The following NCKAP1 variants were observed in gnomAD, a reference collection of about 807,000 sequenced individuals.
NCKAP1 encodes NCK associated protein 1, also known as nck-associated protein 1.
Under a neutral mutation model 151.2 loss-of-function variants are expected in NCKAP1, and 21 were observed. The ratio of observed to expected loss-of-function variants is 0.14; its 90% CI spans 0.10 to 0.20. The LOEUF (loss-of-function observed/expected upper bound fraction) is 0.20. NCKAP1 is among the 10% of genes least tolerant of loss of function. NCKAP1 has a pLI of 1.00. For missense variants in NCKAP1, 933 were observed against 1,352.1 expected (o/e 0.69, Z 4.86); for synonymous variants, 484 against 451.8 (o/e 1.07, Z -0.90).
At chr2:182,945,951 A>G (rs1159770367) in intron 23 of NCKAP1, among the ~76,000 whole-genome samples, 2 of 152,238 alleles carry the variant, frequency 1.3e-5, no homozygotes, top group East Asian at 1.9e-4. Flanking sequence ...AATGTGGTAC[A>G]TATATATCAT....
rs748520780 is a variant in NCKAP1, at chr2:182,935,285, T to A, written c.2778+8A>T. Reference sequence around the variant, plus strand: ...GATACCGAGTATATACTTGTAATGGTTTCTTACATCTCTAAGTGCTTCTTG... The same window carrying A: ...GATACCGAGTATATACTTGTAATGGATTCTTACATCTCTAAGTGCTTCTTG... On this transcript the variant is annotated splice_region_variant and intron_variant, in intron 25 of 30. Transcript: ENST00000361354. The A allele has an allele frequency of 6.5e-7, 1 of 1,549,248 alleles. No individual in the cohort carries two copies. Among genetic ancestry groups the A allele is most frequent in the East Asian group, 2.3e-5 (1 of 43,024 alleles).
chr2:182,987,664 T>C (rs1235671888), intron 9 of NCKAP1, among the ~76,000 whole-genome samples: 1 of 152,176 alleles, frequency 6.6e-6, no homozygotes, highest in Non-Finnish European at 1.5e-5. Flanking sequence ...GTCAGTATGC[T>C]AGTACATGAT....
At chr2:183,006,916 G>C (rs1002507693) in intron 2 of NCKAP1, among the ~76,000 whole-genome samples, 6 of 152,100 alleles carry the variant, frequency 3.9e-5, no homozygotes, top group Admixed American at 3.9e-4. Flanking sequence ...CTATTGCCCA[G>C]GCTGGAGTGT....
rs547481038 is a variant in NCKAP1, at chr2:182,918,432, C to T, written c.*7270G>A. ...ATAACTGCAAAGATATGGAACCAAC[C>T]TAAGTGCCCACTGACCAATGAGTGG... On this transcript the variant is annotated 3_prime_UTR_variant, in exon 31 of 31. Transcript: ENST00000361354. 6.6e-6 allele frequency: 1 copy of T among 152,214 alleles called. No individual in the cohort carries two copies. The highest frequency in any genetic ancestry group is 6.5e-5 in the Admixed American group (1 of 15,286). 9.4% of individuals were successfully genotyped at this position (152,214 alleles called of 1,614,324 possible). A position where few individuals can be genotyped will look rare whatever the true frequency, so the allele number is the denominator to read the frequency against.
intron 23 of NCKAP1, among the ~76,000 whole-genome samples, chr2:182,950,665 G>A (rs1295105194): frequency 6.6e-6 from 1 of 151,932 alleles, no homozygotes; most frequent in Admixed American, 6.6e-5. Flanking sequence ...ACAATGAGAG[G>A]ATAATGATAC....
At chr2:183,029,764 G>T (rs1233879259) in intron 1 of NCKAP1, among the ~76,000 whole-genome samples, 1 of 144,370 alleles carries the variant, frequency 6.9e-6, no homozygotes, top group South Asian at 2.2e-4. Flanking sequence ...AGTCTACAGT[G>T]AGCCCTGTTC....
rs906444673 is a variant in NCKAP1 at position 183,024,012 on chromosome 2, G to A, written c.109-96C>T. The A allele has an allele frequency of 5.1e-6, 5 of 974,230 alleles. No homozygotes were observed. In the Admixed American group the frequency reaches 6.7e-5, roughly 13 times the overall value. 60.3% of individuals were successfully genotyped at this position (974,230 alleles called of 1,614,324 possible). ...ATTAGAAATTAAAGAGATATTTATT[G>A]TTTTTGGTGAGCAGGTGATAAAATG... is the stretch of plus-strand genomic sequence containing the variant. On this transcript the variant is annotated intron_variant, in intron 1 of 30. Coordinates refer to ENST00000361354, the MANE Select transcript of NCKAP1 (RefSeq NM_013436.5).
chr2:182,995,647 TA>T (rs1698253703), intron 7 of NCKAP1, 53 bp downstream of exon 7: 2 of 1,538,394 alleles, frequency 1.3e-6, no homozygotes, highest in Non-Finnish European at 1.8e-6. Flanking sequence ...ACTGAACTAT[TA>T]TTTTTTTAAA....
At position 182,916,607 on chromosome 2, in the gene NCKAP1, A is replaced by G. The variant is rs1161446580; in HGVS notation, c.*9095T>C. The G allele has an allele frequency of 1.3e-5, 2 of 152,200 alleles. No homozygotes were observed. The highest frequency in any genetic ancestry group is 2.9e-5 in the Non-Finnish European group (2 of 68,044). 9.4% of individuals were successfully genotyped at this position (152,200 alleles called of 1,614,324 possible). On this transcript the variant is annotated 3_prime_UTR_variant, in exon 31 of 31. Coordinates refer to ENST00000361354, the MANE Select transcript of NCKAP1 (RefSeq NM_013436.5). ...AGTGATGTTTGAGCTTACTGTTTAC[A>G]TTATGTTCAGGAGTTTGCCAGCCAG...
chr2:182,976,981 C>T (rs777772360), intron 14 of NCKAP1, 30 bp from the exon 15 acceptor site: 1 of 1,362,804 alleles, frequency 7.3e-7, no homozygotes, highest in Admixed American at 2.5e-5. Flanking sequence ...AAAAAGATTA[C>T]AAAGCAAATT....
At chr2:183,030,550 C>A (rs1341744392) in intron 1 of NCKAP1, among the ~76,000 whole-genome samples, 1 of 152,136 alleles carries the variant, frequency 6.6e-6, no homozygotes, top group Non-Finnish European at 1.5e-5. Context: ...CCAGCCCCAT[C>A]TGAATAATGT....
In NCKAP1 at chr2:182,920,984, A is replaced by G. The variant is rs1696542381; in HGVS notation, c.*4718T>C. On this transcript the variant is annotated 3_prime_UTR_variant, in exon 31 of 31. Coordinates refer to ENST00000361354, the MANE Select transcript of NCKAP1 (RefSeq NM_013436.5). ...CAGGACGCATCACTGAGTAGTGCAC[A>G]GTTTTAGTCTGTGAGCACGCTTCAG... 6.6e-6 allele frequency: 1 copy of G among 152,226 alleles called. No individual in the cohort carries two copies. Among genetic ancestry groups the G allele is most frequent in the South Asian group, 2.1e-4 (1 of 4,830 alleles). 9.4% of individuals were successfully genotyped at this position (152,226 alleles called of 1,614,324 possible).
intron 3 of NCKAP1, 49 bp downstream of exon 3, chr2:183,003,183 CA>C (rs781581705): frequency 7.9e-7 from 1 of 1,270,790 alleles, no homozygotes; most frequent in Admixed American, 2.3e-5. Context: ...AATTAATAAA[CA>C]TTTAAATCTA....
intron 8 of NCKAP1, among the ~76,000 whole-genome samples, chr2:182,989,722 T>C (rs1698129490): frequency 6.6e-6 from 1 of 151,556 alleles, no homozygotes; most frequent in African/African-American, 2.4e-5. Context: ...AATTTTTTTT[T>C]AATGGCCAGG....
Position 182,930,688 on chromosome 2 carries a change from A to AT in NCKAP1, c.2953+6dup, listed in dbSNP as rs747746037. On this transcript the variant is annotated splice_region_variant and intron_variant, in intron 27 of 30. Coordinates refer to ENST00000361354, the MANE Select transcript of NCKAP1 (RefSeq NM_013436.5). ...AAGAGTATTAAATATTTACTAATGC[A>AT]TTTTACCCGATTTTTGTGAAGAAAG... 6.2e-7 allele frequency: 1 copy of AT among 1,610,120 alleles called. No individual in the cohort carries two copies. Among genetic ancestry groups the AT allele is most frequent in the Admixed American group, 1.7e-5 (1 of 59,966 alleles).
chr2:183,005,317 T>A (rs77535302), intron 2 of NCKAP1, among the ~76,000 whole-genome samples: 8,227 of 152,276 alleles, frequency 0.054, 296 homozygotes, highest in Non-Finnish European at 0.08. Flanking sequence ...TCCCCTTTCC[T>A]TCCAACTTCA....
intron 14 of NCKAP1, among the ~76,000 whole-genome samples, chr2:182,978,382 C>CA (rs1474953338): frequency 2.0e-5 from 3 of 152,072 alleles, no homozygotes; most frequent in Non-Finnish European, 4.4e-5. Flanking sequence ...TAGAGCTTGG[C>CA]AAATTATGTT....
chr2:182,971,375 C>A (rs2105842859), intron 15 of NCKAP1, among the ~76,000 whole-genome samples: 1 of 114,016 alleles, frequency 8.8e-6, no homozygotes, highest in African/African-American at 3.4e-5. Flanking sequence ...GCCTGGGCGA[C>A]AGAGCGAGAC....
intron 15 of NCKAP1, among the ~76,000 whole-genome samples, chr2:182,972,476 T>A (rs527729761): frequency 6.6e-6 from 1 of 152,310 alleles, no homozygotes; most frequent in South Asian, 2.1e-4. Context: ...CAGGTGGGAA[T>A]GTGAATTAGT....
Sources: gnomAD v4.1 joint callset for allele counts (sites outside exome capture counted in the v4.1 genomes callset) on GRCh38, gnomAD v4.1.1 for gene constraint, MANE v1.5 for transcripts, NCBI Gene and HGNC (gene_info 2026-07-23, HGNC 2026-07-21) for gene names.